The following CDH12 variants were observed in gnomAD, a reference collection of about 807,000 sequenced individuals.
The protein encoded by CDH12 is cadherin 12.
In CDH12, 41 loss-of-function variants were observed where a neutral mutation model predicts 74.1. The ratio of observed to expected loss-of-function variants is 0.55; its 90% CI spans 0.43 to 0.72. The LOEUF is 0.72. Ranked by LOEUF, CDH12 falls within the 30% of genes least tolerant of loss-of-function variation. CDH12 has a pLI of 0.00. For synonymous variants in CDH12, 399 were observed against 355.0 expected, an observed-to-expected ratio of 1.12 and a Z score of -1.39; for missense variants, 945 against 977.2, an observed-to-expected ratio of 0.97 and a Z score of 0.44.
chr5:22,262,631 A>C (rs901837542), intron 3 of CDH12, among the ~76,000 whole-genome samples: 2 of 151,272 alleles, frequency 1.3e-5, no homozygotes, highest in Non-Finnish European at 1.5e-5. Flanking sequence ...GTATATACCC[A>C]GTAATGGGAT....
At chr5:22,070,319 A>G (rs982914870) in intron 5 of CDH12, among the ~76,000 whole-genome samples, 2 of 152,120 alleles carry the variant, frequency 1.3e-5, no homozygotes, top group African/African-American at 2.4e-5. Flanking sequence ...TATTATCTCT[A>G]TTTGGTGATT....
chr5:22,263,004 A>G (rs923375744), intron 3 of CDH12, among the ~76,000 whole-genome samples: 3 of 151,754 alleles, frequency 2.0e-5, no homozygotes, highest in Non-Finnish European at 4.4e-5. Flanking sequence ...AAAAACAAAC[A>G]ACCCCATCAA....
chr5:22,761,687 T>G (rs907714418), intron 1 of CDH12, among the ~76,000 whole-genome samples: 3 of 152,202 alleles, frequency 2.0e-5, no homozygotes, highest in Admixed American at 2.0e-4. Flanking sequence ...CTTGCTCATC[T>G]GGAAAAGCAA....
intron 10 of CDH12, among the ~76,000 whole-genome samples, chr5:21,791,414 T>G (rs1165924753): frequency 6.6e-6 from 1 of 152,018 alleles, no homozygotes; most frequent in South Asian, 2.1e-4. Flanking sequence ...ATCGTGTTTC[T>G]GCTGTTGGGT....
chr5:22,795,577 T>C (rs940920609), intron 1 of CDH12, among the ~76,000 whole-genome samples: 3 of 148,856 alleles, frequency 2.0e-5, no homozygotes, highest in Non-Finnish European at 4.4e-5. Flanking sequence ...ACATATATAA[T>C]ATATACATAT....
chr5:22,019,051 C>T (rs574940410), intron 5 of CDH12, among the ~76,000 whole-genome samples: 31 of 112,300 alleles, frequency 2.8e-4, no homozygotes, highest in African/African-American at 1.0e-3. Context: ...CAGAGCAAGA[C>T]TGTGTCTCAA....
At chr5:22,664,063 G>T (rs1046411674) in intron 1 of CDH12, among the ~76,000 whole-genome samples, 2 of 152,190 alleles carry the variant, frequency 1.3e-5, no homozygotes, top group Non-Finnish European at 2.9e-5. Context: ...AATGGTAAAA[G>T]ATATTTAAAT....
intron 4 of CDH12, among the ~76,000 whole-genome samples, chr5:22,135,631 G>C (rs1746419701): frequency 6.6e-6 from 1 of 151,972 alleles, no homozygotes; most frequent in South Asian, 2.1e-4. Context: ...GTGGTCTTCA[G>C]CATGTCTGAA....
chr5:22,490,662 G>C (rs1022908304), intron 2 of CDH12, among the ~76,000 whole-genome samples: 1 of 151,784 alleles, frequency 6.6e-6, no homozygotes, highest in Non-Finnish European at 1.5e-5. Context: ...AAAAACTGAG[G>C]ATGGCCATAG....
intron 8 of CDH12, among the ~76,000 whole-genome samples, chr5:21,832,883 TATTAATATATATCATATAATATATG>T (rs1749129174): frequency 1.8e-5 from 1 of 54,974 alleles, no homozygotes; most frequent in African/African-American, 1.6e-4. Flanking sequence ...TATGATATAA[TATTAATATATATCATATAATATATG>T]ATATAATATT....
At chr5:21,807,252 G>A (rs1374128603) in intron 9 of CDH12, among the ~76,000 whole-genome samples, 1 of 152,070 alleles carries the variant, frequency 6.6e-6, no homozygotes, top group Non-Finnish European at 1.5e-5. Context: ...CATCCCCAAC[G>A]AATCAGCAGC....
At chr5:22,355,761 G>A (rs1299353428) in intron 3 of CDH12, among the ~76,000 whole-genome samples, 1 of 151,986 alleles carries the variant, frequency 6.6e-6, no homozygotes, top group African/African-American at 2.4e-5. Flanking sequence ...GTCCATGGGT[G>A]AGAATGTGAA....
intron 3 of CDH12, among the ~76,000 whole-genome samples, chr5:22,367,523 G>A (rs916854787): frequency 2.6e-5 from 4 of 152,150 alleles, no homozygotes; most frequent in African/African-American, 7.2e-5. Flanking sequence ...TTTACCCTAA[G>A]TGCTGAGTCT....
intron 4 of CDH12, among the ~76,000 whole-genome samples, chr5:22,105,956 A>G: frequency 6.6e-6 from 1 of 152,140 alleles, no homozygotes; most frequent in East Asian, 1.9e-4. Context: ...TAGCTAGTAT[A>G]TAGTTGTCAG....
At chr5:22,098,016 T>C (rs1035154543) in intron 4 of CDH12, among the ~76,000 whole-genome samples, 19 of 152,178 alleles carry the variant, frequency 1.2e-4, no homozygotes, top group Non-Finnish European at 2.6e-4. Flanking sequence ...ATCCACCCCA[T>C]GGTGCCAAAC....
At chr5:22,815,803 T>TA (rs913977609) in intron 1 of CDH12, among the ~76,000 whole-genome samples, 11 of 138,156 alleles carry the variant, frequency 8.0e-5, no homozygotes, top group Admixed American at 5.1e-4. Flanking sequence ...ATAATAAAAA[T>TA]AAAAAAACAT....
intron 3 of CDH12, among the ~76,000 whole-genome samples, chr5:22,234,299 C>T (rs1043641350): frequency 6.6e-6 from 1 of 152,076 alleles, no homozygotes; most frequent in East Asian, 1.9e-4. Flanking sequence ...CCCAGAATTC[C>T]CACGTGTTGT....
intron 1 of CDH12, among the ~76,000 whole-genome samples, chr5:22,558,748 C>A (rs1015908405): frequency 4.0e-5 from 6 of 151,838 alleles, no homozygotes; most frequent in Non-Finnish European, 7.4e-5. Flanking sequence ...TAAGAACATG[C>A]AATTAAGGTG....
chr5:22,370,231 T>C (rs1005196461), intron 3 of CDH12, among the ~76,000 whole-genome samples: 4 of 152,194 alleles, frequency 2.6e-5, no homozygotes, highest in African/African-American at 9.6e-5. Flanking sequence ...CTTTTTTGCA[T>C]TGAAAAGTGT....
Sources: gnomAD v4.1 joint callset for allele counts (sites outside exome capture counted in the v4.1 genomes callset) on GRCh38, gnomAD v4.1.1 for gene constraint, MANE v1.5 for transcripts, NCBI Gene and HGNC (gene_info 2026-07-23, HGNC 2026-07-21) for gene names.